The following ZFP91 variants were observed in gnomAD, a reference collection of about 807,000 sequenced individuals.
ZFP91 encodes ZFP91 zinc finger protein, atypical E3 ubiquitin ligase, also known as E3 ubiquitin-protein ligase ZFP91.
Under a neutral mutation model 63.5 loss-of-function variants are expected in ZFP91, and 7 were observed. That is an observed-to-expected ratio of 0.11 (90% CI 0.06 to 0.21). The LOEUF is 0.21. Ranked by LOEUF, ZFP91 falls within the 10% of genes least tolerant of loss-of-function variation. The pLI is 1.00. For synonymous variants in ZFP91, 330 were observed against 272.1 expected, an observed-to-expected ratio of 1.21 and a Z score of -2.10; for missense variants, 628 against 736.6, an observed-to-expected ratio of 0.85 and a Z score of 1.71.
intron 1 of ZFP91, among the ~76,000 whole-genome samples, chr11:58,580,424 TAAG>T (rs1304911663): frequency 1.3e-5 from 2 of 152,234 alleles, no homozygotes; most frequent in Non-Finnish European, 2.9e-5. Flanking sequence ...ATACTCATGT[TAAG>T]AATACTGAAG....
Position 58,617,849 on chromosome 11 carries a change from T to C in ZFP91, c.*143T>C. On this transcript the variant is annotated 3_prime_UTR_variant, in exon 11 of 11. Coordinates refer to ENST00000316059, the MANE Select transcript of ZFP91 (RefSeq NM_053023.5). This position sits in a 1 kb window ranked among gnomAD's most constrained non-coding sequence, Gnocchi z 4.2. The stretch of plus-strand genomic sequence containing the variant: ...TCCATTGTGGATCACAGCACACACA[T>C]ACATACACCCTCCACCTCCCCATCC... 8.9e-7 allele frequency: 1 copy of C among 1,118,990 alleles called. No individual in the cohort carries two copies. Among genetic ancestry groups the C allele is most frequent in the East Asian group, 2.9e-5 (1 of 34,922 alleles). 69.3% of individuals were successfully genotyped at this position (1,118,990 alleles called of 1,614,324 possible). A position where few individuals can be genotyped will look rare whatever the true frequency, so the allele number is the denominator to read the frequency against.
chr11:58,609,026 G>A (rs778858202), intron 2 of ZFP91, among the ~76,000 whole-genome samples: 2 of 152,082 alleles, frequency 1.3e-5, no homozygotes, highest in Admixed American at 6.6e-5. Context: ...GGCCTTTCCC[G>A]TTCTGAGTTT....
At chr11:58,599,525 A>G (rs1468646950) in intron 2 of ZFP91, among the ~76,000 whole-genome samples, 1 of 151,842 alleles carries the variant, frequency 6.6e-6, no homozygotes. Flanking sequence ...TATTATTTTT[A>G]GTTAGCCATT....
In ZFP91 at chr11:58,614,996, T is replaced by C. The variant is rs77035403; in HGVS notation, c.1102+653T>C. Among the ~76,000 whole-genome samples, 1,129 of 152,250 alleles carry C rather than the reference T, an allele frequency of 7.4e-3. 28 individuals carry two copies. Among genetic ancestry groups the C allele is most frequent in the Admixed American group, 0.054 (831 of 15,288 alleles). The stretch of plus-strand genomic sequence containing the variant: ...TAATTACACATTACCTTCTCAACAG[T>C]CTTAGAGAGTAAGTCTAGGAATTCT... On this transcript the variant is annotated intron_variant, in intron 9 of 10. Coordinates refer to ENST00000316059, the MANE Select transcript of ZFP91 (RefSeq NM_053023.5).
At chr11:58,606,153 C>T (rs1437993278) in intron 2 of ZFP91, among the ~76,000 whole-genome samples, 1 of 152,172 alleles carries the variant, frequency 6.6e-6, no homozygotes, top group Non-Finnish European at 1.5e-5. Flanking sequence ...CCTCCACCTC[C>T]TGGGTTCAAG....
intron 2 of ZFP91, among the ~76,000 whole-genome samples, chr11:58,603,786 G>T (rs1287126962): frequency 6.6e-6 from 1 of 152,164 alleles, no homozygotes; most frequent in Non-Finnish European, 1.5e-5. Context: ...GACTAACTTG[G>T]GACCCCTGAC....
At chr11:58,610,731 T>G (rs2134419070) in intron 4 of ZFP91, among the ~76,000 whole-genome samples, 1 of 152,374 alleles carries the variant, frequency 6.6e-6, no homozygotes, top group Admixed American at 6.5e-5. Flanking sequence ...GCCATTGAGT[T>G]GTCATCACCC....
At chr11:58,582,693 A>T (rs1220495230) in intron 1 of ZFP91, among the ~76,000 whole-genome samples, 2 of 152,212 alleles carry the variant, frequency 1.3e-5, no homozygotes, top group East Asian at 3.9e-4. Flanking sequence ...CAAGTCACTT[A>T]ACCTCTTCAT....
chr11:58,596,072 CAT>C (rs1374539666), intron 2 of ZFP91, among the ~76,000 whole-genome samples: 6 of 152,120 alleles, frequency 3.9e-5, no homozygotes, highest in Non-Finnish European at 4.4e-5. Flanking sequence ...TTATCAATAA[CAT>C]AAAGTCAACT....
In ZFP91 at chr11:58,579,313, C is replaced by G; in HGVS notation, c.32C>G (p.Pro11Arg). 6.7e-7 allele frequency: 1 copy of G among 1,491,614 alleles called. No individual in the cohort carries two copies. Among genetic ancestry groups the G allele is most frequent in the Non-Finnish European group, 8.9e-7 (1 of 1,124,940 alleles). The allele number at this position is 1,491,614 out of a possible 1,614,324, so 92.4% of individuals were successfully genotyped here. A position where few individuals can be genotyped will look rare whatever the true frequency, so the allele number is the denominator to read the frequency against. Residue 11 changes from proline to arginine, a missense_variant, in exon 1 of 11, where the codon CCG (proline) becomes CGG (arginine). By Grantham distance (103) the Pro-to-Arg change is moderately radical. This residue lies in a region of ZFP91 where 437 missense variants were observed against 380.3 expected (regional missense o/e 1.15). Coordinates refer to ENST00000316059, the MANE Select transcript of ZFP91 (RefSeq NM_053023.5). MPGETEEPRP[P>R]EQQDQEGGEA... is the part of the protein sequence containing the mutation. ...GGGGAGACGGAAGAGCCGAGACCCCCGGAGCAGCAGGACCAGGAAGGGGGA... is the reference window on the plus strand; with the variant it reads ...GGGGAGACGGAAGAGCCGAGACCCCGGGAGCAGCAGGACCAGGAAGGGGGA...
At chr11:58,593,782 C>G (rs1313999738) in intron 2 of ZFP91, among the ~76,000 whole-genome samples, 1 of 152,136 alleles carries the variant, frequency 6.6e-6, no homozygotes, top group Non-Finnish European at 1.5e-5. Flanking sequence ...CTTCAAGAAA[C>G]AAAAAACCCT....
intron 7 of ZFP91, 31 bp downstream of exon 7, chr11:58,612,359 C>G (rs899249271): frequency 6.2e-7 from 1 of 1,607,724 alleles, no homozygotes; most frequent in Non-Finnish European, 8.5e-7. Context: ...CTGTTTTACA[C>G]CTTATTCCAG....
At chr11:58,585,634 C>T (rs187656148) in intron 2 of ZFP91, among the ~76,000 whole-genome samples, 28 of 152,234 alleles carry the variant, frequency 1.8e-4, no homozygotes, top group East Asian at 5.8e-4. Flanking sequence ...TTCCAAACTC[C>T]TAGAATCCAC....
At chr11:58,594,281 T>G (rs1038570709) in intron 2 of ZFP91, among the ~76,000 whole-genome samples, 1 of 152,214 alleles carries the variant, frequency 6.6e-6, no homozygotes, top group Non-Finnish European at 1.5e-5. Flanking sequence ...GTACATGTAC[T>G]CGTTTCTCCT....
At chr11:58,597,777 AT>A (rs1403887984) in intron 2 of ZFP91, among the ~76,000 whole-genome samples, 3 of 152,150 alleles carry the variant, frequency 2.0e-5, no homozygotes, top group Non-Finnish European at 2.9e-5. Context: ...TGTTGGATTC[AT>A]TTATCTTAAA....
intron 2 of ZFP91, among the ~76,000 whole-genome samples, chr11:58,600,933 T>C (rs1028426971): frequency 6.6e-6 from 1 of 152,186 alleles, no homozygotes; most frequent in Non-Finnish European, 1.5e-5. Flanking sequence ...TTTCCTCTCT[T>C]TATTAATGTG....
At chr11:58,585,428 G>C (rs952026201) in intron 2 of ZFP91, among the ~76,000 whole-genome samples, 2 of 152,162 alleles carry the variant, frequency 1.3e-5, no homozygotes, top group Non-Finnish European at 2.9e-5. Flanking sequence ...TGGCTTTGCA[G>C]ATTAGGTTAT....
At chr11:58,585,999 T>G (rs1169012112) in intron 2 of ZFP91, among the ~76,000 whole-genome samples, 1 of 152,176 alleles carries the variant, frequency 6.6e-6, no homozygotes, top group Non-Finnish European at 1.5e-5. Context: ...TGGCATTTTT[T>G]TTTTTTTATT....
At chr11:58,607,607 A>G (rs1431250504) in intron 2 of ZFP91, among the ~76,000 whole-genome samples, 4 of 152,210 alleles carry the variant, frequency 2.6e-5, no homozygotes, top group African/African-American at 9.6e-5. Context: ...CTGTGTTTCA[A>G]ACTAATTTCA....
Sources: gnomAD v4.1 joint callset for allele counts (sites outside exome capture counted in the v4.1 genomes callset) on GRCh38, gnomAD v4.1.1 for gene constraint, gnomAD v4.1.1 regional missense constraint, Gnocchi (gnomAD v3.1) non-coding constraint, MANE v1.5 for transcripts, NCBI Gene and HGNC (gene_info 2026-07-23, HGNC 2026-07-21) for gene names.